The following CPA6 variants were observed in gnomAD, a reference collection of about 807,000 sequenced individuals.
CPA6 encodes carboxypeptidase A6, also known as carboxypeptidase B.
A neutral mutation model predicts 63.3 loss-of-function variants in CPA6; 58 were observed. The ratio of observed to expected loss-of-function variants is 0.92; its 90% CI spans 0.74 to 1.14. CPA6 has a LOEUF of 1.14. Ranked by LOEUF, CPA6 falls within the 50% of genes most tolerant of loss-of-function variation. CPA6 has a pLI of 0.00. For missense variants in CPA6, 565 were observed against 526.6 expected, an observed-to-expected ratio of 1.07 and a Z score of -0.71; for synonymous variants, 185 against 179.0, an observed-to-expected ratio of 1.03 and a Z score of -0.27.
At chr8:67,540,033 GT>G (rs1241123432) in intron 2 of CPA6, among the ~76,000 whole-genome samples, 2 of 152,090 alleles carry the variant, frequency 1.3e-5, no homozygotes, top group Non-Finnish European at 2.9e-5. Context: ...ATCCAGTTTT[GT>G]TCCCTTGCTG....
intron 2 of CPA6, among the ~76,000 whole-genome samples, chr8:67,552,958 G>A (rs1812983285): frequency 6.6e-6 from 1 of 151,816 alleles, no homozygotes. Context: ...GATTTAAACT[G>A]TATAATTTAT....
intron 2 of CPA6, among the ~76,000 whole-genome samples, chr8:67,549,419 C>T (rs1286104282): frequency 6.6e-6 from 1 of 152,204 alleles, no homozygotes; most frequent in East Asian, 1.9e-4. Context: ...ACCATCACCA[C>T]AATCTATGCC....
intron 2 of CPA6, among the ~76,000 whole-genome samples, chr8:67,579,337 C>A (rs568515716): frequency 6.6e-6 from 1 of 152,236 alleles, no homozygotes; most frequent in African/African-American, 2.4e-5. Context: ...CACTTGAATC[C>A]AGGAGTTGGA....
intron 1 of CPA6, among the ~76,000 whole-genome samples, chr8:67,707,366 G>C (rs1300176): frequency 0.25 from 38,249 of 152,068 alleles, 5,007 homozygotes; most frequent in South Asian, 0.34. Flanking sequence ...TCAAAGCCAA[G>C]AAAACTTTTC....
In CPA6 at chr8:67,705,117, G is replaced by A. The variant is rs537144470; in HGVS notation, c.116+40897C>T. Among the ~76,000 whole-genome samples the A allele has an allele frequency of 2.0e-5, 3 of 152,278 alleles. No homozygotes were observed. The East Asian group carries it at 5.8e-4, about 29-fold the overall frequency. ...ACCCTCCCAGGTAACTGCCATTGGT[G>A]TGGGAAGCCAGGCCATTGGAAGGCA... On this transcript the variant is annotated intron_variant, in intron 1 of 10. Coordinates refer to ENST00000297770, the MANE Select transcript of CPA6 (RefSeq NM_020361.5).
intron 1 of CPA6, among the ~76,000 whole-genome samples, chr8:67,662,314 TG>T (rs1188481373): frequency 6.6e-6 from 1 of 152,124 alleles, no homozygotes; most frequent in Non-Finnish European, 1.5e-5. Flanking sequence ...GTCTCCATCT[TG>T]AGTACCAGCC....
At chr8:67,538,785 G>C (rs1345852611) in intron 2 of CPA6, among the ~76,000 whole-genome samples, 1 of 151,738 alleles carries the variant, frequency 6.6e-6, no homozygotes, top group Non-Finnish European at 1.5e-5. Context: ...TCAGCCTCCC[G>C]AGTAGCTGGG....
chr8:67,703,566 G>C (rs1008343376), intron 1 of CPA6, among the ~76,000 whole-genome samples: 1 of 152,192 alleles, frequency 6.6e-6, no homozygotes, highest in East Asian at 1.9e-4. Flanking sequence ...CTTTTACTTT[G>C]CATGCTGCAT....
chr8:67,588,323 G>A (rs1396224893), intron 2 of CPA6, among the ~76,000 whole-genome samples: 1 of 152,210 alleles, frequency 6.6e-6, no homozygotes, highest in Non-Finnish European at 1.5e-5. Context: ...AAATAGTATG[G>A]TGGGAAATAA....
intron 2 of CPA6, among the ~76,000 whole-genome samples, chr8:67,608,589 C>G (rs1382566609): frequency 1.3e-5 from 2 of 152,154 alleles, no homozygotes; most frequent in East Asian, 3.9e-4. Flanking sequence ...GGGCAAGGAC[C>G]CAGGTACCAA....
At chr8:67,513,909 A>G (rs1812091415) in intron 3 of CPA6, among the ~76,000 whole-genome samples, 1 of 152,100 alleles carries the variant, frequency 6.6e-6, no homozygotes, top group Non-Finnish European at 1.5e-5. Context: ...ATTACTCAGT[A>G]CAAAACCACC....
chr8:67,621,312 A>G (rs891270636), intron 2 of CPA6, among the ~76,000 whole-genome samples: 2 of 152,136 alleles, frequency 1.3e-5, no homozygotes, highest in Non-Finnish European at 2.9e-5. Context: ...GAGTTTGGTG[A>G]GTCCTTATGC....
At chr8:67,445,488 C>T (rs1355120996) in intron 8 of CPA6, among the ~76,000 whole-genome samples, 1 of 151,918 alleles carries the variant, frequency 6.6e-6, no homozygotes, top group Non-Finnish European at 1.5e-5. Flanking sequence ...ATATGTGTCT[C>T]TTGTTTGTAG....
intron 2 of CPA6, among the ~76,000 whole-genome samples, chr8:67,528,416 A>G (rs1207942194): frequency 1.3e-5 from 2 of 152,076 alleles, no homozygotes; most frequent in Non-Finnish European, 2.9e-5. Context: ...GAGCCCTGTG[A>G]TCCTAAAAGA....
intron 1 of CPA6, among the ~76,000 whole-genome samples, chr8:67,656,411 A>G (rs546409091): frequency 5.3e-5 from 8 of 152,302 alleles, no homozygotes; most frequent in Non-Finnish European, 1.0e-4. Flanking sequence ...GGAAACATGG[A>G]TGAGCACAGC....
chr8:67,506,734 A>C, intron 6 of CPA6, 53 bp downstream of exon 6: 1 of 1,166,518 alleles, frequency 8.6e-7, no homozygotes, highest in Non-Finnish European at 1.3e-6. Flanking sequence ...GAATAAAAAC[A>C]CAGGGAAGCA....
chr8:67,648,018 T>G (rs1815750872), intron 1 of CPA6, among the ~76,000 whole-genome samples: 1 of 152,230 alleles, frequency 6.6e-6, no homozygotes, highest in South Asian at 2.1e-4. Context: ...TTTGTATGCT[T>G]TTTGTCCTAT....
At chr8:67,460,012 G>GT (rs1438998728) in intron 8 of CPA6, among the ~76,000 whole-genome samples, 1 of 118,078 alleles carries the variant, frequency 8.5e-6, no homozygotes, top group African/African-American at 3.1e-5. Context: ...GTAAAGTCTT[G>GT]GGGGGAAAAA....
intron 8 of CPA6, among the ~76,000 whole-genome samples, chr8:67,480,311 C>A (rs1311958730): frequency 6.6e-6 from 1 of 152,070 alleles, no homozygotes; most frequent in Non-Finnish European, 1.5e-5. Flanking sequence ...TCATCACCCC[C>A]AAAAGAAACC....
Sources: gnomAD v4.1 joint callset for allele counts (sites outside exome capture counted in the v4.1 genomes callset) on GRCh38, gnomAD v4.1.1 for gene constraint, MANE v1.5 for transcripts, NCBI Gene and HGNC (gene_info 2026-07-23, HGNC 2026-07-21) for gene names.